TWIST2: variants seen among roughly 807,000 people sequenced by gnomAD.
TWIST2 encodes the protein twist-related protein 2.
A neutral mutation model predicts 11.6 loss-of-function variants in TWIST2; 1 was observed. The ratio of observed to expected loss-of-function variants is 0.09; its 90% CI spans 0.03 to 0.41. The LOEUF (loss-of-function observed/expected upper bound fraction) is 0.41. TWIST2 is among the 10% of genes least tolerant of loss of function. TWIST2 has a pLI of 0.98. For missense variants in TWIST2, 168 were observed against 226.4 expected (o/e 0.74, Z 1.66); for synonymous variants, 87 against 96.6 (o/e 0.90, Z 0.58).
intron 1 of TWIST2, among the ~76,000 whole-genome samples, chr2:238,883,845 A>G (rs1006059146): frequency 2.6e-5 from 4 of 152,106 alleles, no homozygotes; most frequent in Non-Finnish European, 5.9e-5. Flanking sequence ...GATGCACATA[A>G]CTGTGGCTTT....
chr2:238,880,288 TGTTA>T (rs1432756380), intron 1 of TWIST2, among the ~76,000 whole-genome samples: 3 of 150,180 alleles, frequency 2.0e-5, no homozygotes, highest in African/African-American at 4.9e-5. Context: ...TATTTATTAG[TGTTA>T]GTGTTATTGT....
chr2:238,850,112 A>AT (rs931108619), intron 1 of TWIST2, among the ~76,000 whole-genome samples: 3 of 152,080 alleles, frequency 2.0e-5, no homozygotes, highest in Non-Finnish European at 2.9e-5. Context: ...GTTTTATTTC[A>AT]TTTTTTTAGC....
intron 1 of TWIST2, among the ~76,000 whole-genome samples, chr2:238,901,605 G>T (rs1693269411): frequency 6.6e-6 from 1 of 152,150 alleles, no homozygotes; most frequent in Admixed American, 6.5e-5. Flanking sequence ...GCCGATGGGA[G>T]GTCTCACTGA....
chr2:238,905,952 T>TGC (rs1693345252), intron 1 of TWIST2, among the ~76,000 whole-genome samples: 2 of 114,486 alleles, frequency 1.7e-5, no homozygotes, highest in East Asian at 4.5e-4. Flanking sequence ...TGCGCGCGCG[T>TGC]GTGTACGTGT....
intron 1 of TWIST2, among the ~76,000 whole-genome samples, chr2:238,870,820 CCCACACACA>C (rs1354773246): frequency 3.1e-4 from 18 of 58,958 alleles, no homozygotes; most frequent in African/African-American, 1.3e-3. Flanking sequence ...CACCACACAC[CCCACACACA>C]CCACACCCCC....
At chr2:238,879,427 G>A (rs1692866517) in intron 1 of TWIST2, among the ~76,000 whole-genome samples, 1 of 152,136 alleles carries the variant, frequency 6.6e-6, no homozygotes, top group African/African-American at 2.4e-5. Context: ...TACATGTTGG[G>A]TCATGTGGTC....
chr2:238,889,370 TAC>T (rs1256976474), intron 1 of TWIST2, among the ~76,000 whole-genome samples: 1 of 152,170 alleles, frequency 6.6e-6, no homozygotes, highest in African/African-American at 2.4e-5. Context: ...TATTTATATA[TAC>T]ACACATATAT....
intron 1 of TWIST2, among the ~76,000 whole-genome samples, chr2:238,860,847 A>C (rs1223422762): frequency 6.6e-6 from 1 of 152,102 alleles, no homozygotes; most frequent in Non-Finnish European, 1.5e-5. Context: ...CTGAGGCAGG[A>C]GAATCGCTTG....
intron 1 of TWIST2, among the ~76,000 whole-genome samples, chr2:238,852,308 A>G (rs1004456224): frequency 2.6e-5 from 4 of 152,202 alleles, no homozygotes; most frequent in South Asian, 4.1e-4. Context: ...ATATTAATCT[A>G]TTCTCACTGG....
chr2:238,883,255 C>G (rs1428801544), intron 1 of TWIST2, among the ~76,000 whole-genome samples: 1 of 152,168 alleles, frequency 6.6e-6, no homozygotes, highest in Non-Finnish European at 1.5e-5. Context: ...GCAGTCACCC[C>G]TCGTGGACTG....
chr2:238,851,308 G>C (rs924460573), intron 1 of TWIST2, among the ~76,000 whole-genome samples: 4 of 152,224 alleles, frequency 2.6e-5, no homozygotes, highest in Non-Finnish European at 5.9e-5. Context: ...GTATTTAAAA[G>C]CACAATTAGA....
At chr2:238,856,061 G>C (rs752533341) in intron 1 of TWIST2, among the ~76,000 whole-genome samples, 1 of 152,060 alleles carries the variant, frequency 6.6e-6, no homozygotes, top group Non-Finnish European at 1.5e-5. Context: ...AAACTCCCTG[G>C]GGGCCGTGCG....
Position 238,881,845 on chromosome 2 carries a change from C to T in TWIST2, c.*36-27997C>T, listed in dbSNP as rs548294926. Among the ~76,000 whole-genome samples the T allele has an allele frequency of 2.6e-5, 4 of 152,264 alleles. No individual in the cohort carries two copies. The South Asian group carries it at 8.3e-4, about 32-fold the overall frequency. On this transcript the variant is annotated intron_variant, in intron 1 of 1. Coordinates refer to ENST00000612363, the MANE Select transcript of TWIST2 (RefSeq NM_001271893.4). ...CTTTAGATGGGAACACTGGACATGA[C>T]GAGGGCTTGAGGGAGGAGAAGGTGC...
chr2:238,859,406 C>T (rs1018760931), intron 1 of TWIST2, among the ~76,000 whole-genome samples: 1 of 151,520 alleles, frequency 6.6e-6, no homozygotes, highest in African/African-American at 2.4e-5. Flanking sequence ...GAGGGGGTGT[C>T]GGGGGTGAGT....
chr2:238,881,647 A>C (rs1219921074), intron 1 of TWIST2, among the ~76,000 whole-genome samples: 1 of 152,064 alleles, frequency 6.6e-6, no homozygotes, highest in African/African-American at 2.4e-5. Context: ...TAGTGCCAGC[A>C]TTAGTTCTGG....
chr2:238,870,621 ACAAACCACACCCCCCCACACACACAG>A (rs1692664010), intron 1 of TWIST2, among the ~76,000 whole-genome samples: 3 of 59,480 alleles, frequency 5.0e-5, no homozygotes, highest in Admixed American at 1.5e-4. Flanking sequence ...CATACCACAC[ACAAACCACACCCCCCCACACACACAG>A]CACACACCAC....
At chr2:238,906,905 G>C (rs1343335003) in intron 1 of TWIST2, among the ~76,000 whole-genome samples, 3 of 152,248 alleles carry the variant, frequency 2.0e-5, no homozygotes, top group African/African-American at 7.2e-5. Context: ...GCTCAGGGGA[G>C]TTCTCCAATA....
At chr2:238,900,981 C>A (rs1202347978) in intron 1 of TWIST2, among the ~76,000 whole-genome samples, 8 of 148,976 alleles carry the variant, frequency 5.4e-5, no homozygotes, top group South Asian at 2.2e-4. Context: ...CTCCTTCCCC[C>A]CCGGCTTTTT....
chr2:238,872,527 C>G (rs1463679333), intron 1 of TWIST2, among the ~76,000 whole-genome samples: 1 of 152,164 alleles, frequency 6.6e-6, no homozygotes, highest in African/African-American at 2.4e-5. Flanking sequence ...CAACGCTGTG[C>G]AGGGAAGGGC....
Sources: gnomAD v4.1 joint callset for allele counts (sites outside exome capture counted in the v4.1 genomes callset) on GRCh38, gnomAD v4.1.1 for gene constraint, MANE v1.5 for transcripts, NCBI Gene and HGNC (gene_info 2026-07-23, HGNC 2026-07-21) for gene names.